FUT6: variants seen among roughly 807,000 people sequenced by gnomAD.
FUT6 encodes 4-galactosyl-N-acetylglucosaminide 3-alpha-L-fucosyltransferase FUT6.
For synonymous variants in FUT6, 187 were observed against 209.9 expected (o/e 0.89, Z 0.94); for missense variants, 454 against 494.6 (o/e 0.92, Z 0.78).
chr19:5,834,159 A>T (rs2057147673), intron 2 of FUT6: 1 of 152,232 alleles, frequency 6.6e-6, no homozygotes, highest in Non-Finnish European at 1.5e-5. Context: ...AGAGAATAGA[A>T]ATATTCACTC....
In FUT6 at chr19:5,839,271, T is replaced by C. The variant is rs1180414225; in HGVS notation, c.-735A>G. The C allele has an allele frequency of 6.6e-6, 1 of 152,202 alleles. No individual in the cohort carries two copies. Among genetic ancestry groups the C allele is most frequent in the Non-Finnish European group, 1.5e-5 (1 of 68,042 alleles). The allele number at this position is 152,202 out of a possible 1,614,324, so 9.4% of individuals were successfully genotyped here. On this transcript the variant is annotated 5_prime_UTR_variant, in exon 1 of 3. Coordinates refer to ENST00000318336, the MANE Select transcript of FUT6 (RefSeq NM_000150.4). ...GAAGGGAACTTTCTTCAATTAAAATTGCAGCCTTTTGAATAAAAAAGGGAT... is the reference window on the plus strand; with the variant it reads ...GAAGGGAACTTTCTTCAATTAAAATCGCAGCCTTTTGAATAAAAAAGGGAT...
chr19:5,831,473 C>A lies in FUT6; in HGVS notation c.*15G>T, dbSNP rs779284908. 4 of 1,613,890 alleles carry A rather than the reference C, an allele frequency of 2.5e-6. No individual in the cohort carries two copies. Among genetic ancestry groups the A allele is most frequent in the South Asian group, 1.1e-5 (1 of 91,084 alleles). The stretch of plus-strand genomic sequence containing the variant: ...AAAATGAGGTTCCTGGCAGCCCAGG[C>A]CCCACACCAGCCTCTCAGGTGAACC... On this transcript the variant is annotated 3_prime_UTR_variant, in exon 3 of 3. Transcript: ENST00000318336. This position sits in a 1 kb window ranked among gnomAD's most constrained non-coding sequence, Gnocchi z 7.0.
At chr19:5,838,230 A>T (rs2057208148) in intron 1 of FUT6, 1 of 152,116 alleles carries the variant, frequency 6.6e-6, no homozygotes, top group Non-Finnish European at 1.5e-5. Flanking sequence ...AGGATGCAAA[A>T]AAACAAAGCC....
rs2057093339 is a variant in FUT6, at chr19:5,831,595, G to A, written c.973C>T (p.Leu325=). 1.2e-6 allele frequency: 2 copies of A among 1,614,044 alleles called. No individual in the cohort carries two copies. Among genetic ancestry groups the A allele is most frequent in the East Asian group, 2.2e-5 (1 of 44,882 alleles). The change falls in exon 3 of 3, where the codon CTG becomes TTG. Residue 325 remains leucine, a synonymous_variant. Coordinates refer to ENST00000318336, the MANE Select transcript of FUT6 (RefSeq NM_000150.4). The surrounding 1 kb of genome is among the most constrained non-coding windows in gnomAD (Gnocchi z 7.0). Reference sequence around the variant, plus strand: ...GCCCAGCTGAAGGAGCGAGGCCGCAGCGTCTCCCGCCAGCGAAAGTAGCTC... The same window carrying A: ...GCCCAGCTGAAGGAGCGAGGCCGCAACGTCTCCCGCCAGCGAAAGTAGCTC... ...YLSYFRWRET[L]RPRSFSWALA... is the part of the protein sequence containing the mutation.
intron 1 of FUT6, chr19:5,837,768 A>G (rs1047465820): frequency 6.6e-6 from 1 of 151,822 alleles, no homozygotes; most frequent in Non-Finnish European, 1.5e-5. Flanking sequence ...TCTGTCTCAA[A>G]AAAATAAAAT....
chr19:5,833,485 GAA>G (rs887388902), intron 2 of FUT6, among the ~76,000 whole-genome samples: 5 of 118,146 alleles, frequency 4.2e-5, no homozygotes, highest in South Asian at 2.8e-4. Context: ...TTCTATCTTG[GAA>G]AAAAAAAAAA....
chr19:5,833,360 G>A (rs1485006197), intron 2 of FUT6, among the ~76,000 whole-genome samples: 1 of 151,578 alleles, frequency 6.6e-6, no homozygotes, highest in Non-Finnish European at 1.5e-5. Flanking sequence ...GTGGTGGCGT[G>A]TGCCTGTAAT....
At position 5,832,275 on chromosome 19, in the gene FUT6, A is replaced by G. The variant is rs1568405688; in HGVS notation, c.293T>C (p.Val98Ala). The part of the protein sequence containing the change: ...ADCNITADRK[V>A]YPQADAVIVH... The stretch of plus-strand genomic sequence containing the variant: ...GATGACCGCGTCTGCCTGTGGATAC[A>G]CCTTGCGGTCGGCAGTGATGTTGCA... The change falls in exon 3 of 3, where the codon GTG becomes GCG. Residue 98 changes from valine to alanine, a missense_variant. By Grantham distance (64) the Val-to-Ala change is moderately conservative. Coordinates refer to ENST00000318336, the MANE Select transcript of FUT6 (RefSeq NM_000150.4). This position sits in a 1 kb window ranked among gnomAD's most constrained non-coding sequence, Gnocchi z 4.3. 3.1e-6 allele frequency: 5 copies of G among 1,613,620 alleles called. No individual in the cohort carries two copies. The highest frequency in any genetic ancestry group is 4.2e-6 in the Non-Finnish European group (5 of 1,179,916).
chr19:5,834,910 AC>A (rs1477836367), intron 2 of FUT6, 39 bp downstream of exon 2: 1 of 152,232 alleles, frequency 6.6e-6, no homozygotes, highest in Non-Finnish European at 1.5e-5. Context: ...ATGGGGTGAG[AC>A]TTGGAGGCTG....
rs537221650 is a variant in FUT6 at position 5,837,441 on chromosome 19, A to T, written c.-141+1236T>A. Among the ~76,000 whole-genome samples the T allele has an allele frequency of 2.0e-5, 3 of 151,314 alleles. No homozygotes were observed. In the South Asian group the frequency reaches 6.3e-4, roughly 32 times the overall value. The stretch of plus-strand genomic sequence containing the variant: ...GCACACTAGATTGCCAAGATTTAGG[A>T]TGAAAAACAGAATGTCAGATATCTC... On this transcript the variant is annotated intron_variant, in intron 1 of 2. Transcript: ENST00000318336.
At position 5,830,673 on chromosome 19, in the gene FUT6, C is replaced by A. The variant is rs1424546954; in HGVS notation, c.*815G>T. 1 of 134,504 alleles carries A rather than the reference C, an allele frequency of 7.4e-6. No individual in the cohort carries two copies. Among genetic ancestry groups the A allele is most frequent in the Non-Finnish European group, 1.5e-5 (1 of 66,478 alleles). The allele number at this position is 134,504 out of a possible 1,614,324, so 8.3% of individuals were successfully genotyped here. A position where few individuals can be genotyped will look rare whatever the true frequency, so the allele number is the denominator to read the frequency against. ...CCAGGCTGGAGTGCAGTGGCGCGAT[C>A]TCGGCTTACTGCAACCTCCGACTCT... On this transcript the variant is annotated 3_prime_UTR_variant, in exon 3 of 3. Transcript: ENST00000318336.
At chr19:5,837,080 C>G (rs2057190312) in intron 1 of FUT6, among the ~76,000 whole-genome samples, 1 of 152,162 alleles carries the variant, frequency 6.6e-6, no homozygotes, top group African/African-American at 2.4e-5. Context: ...CTCTGTCACC[C>G]AGGCTGGAGC....
In FUT6 at chr19:5,832,465, G is replaced by A. The variant is rs201524447; in HGVS notation, c.103C>T (p.Arg35Cys). The change falls in exon 3 of 3, where the codon CGT becomes TGT. Residue 35 changes from arginine to cysteine, a missense_variant. Physicochemically the swap from Arg to Cys is radical, Grantham distance 180. Coordinates refer to ENST00000318336, the MANE Select transcript of FUT6 (RefSeq NM_000150.4). This position sits in a 1 kb window ranked among gnomAD's most constrained non-coding sequence, Gnocchi z 4.3. ...LMAVCFFSYL[R>C]VSQDDPTVYP... The stretch of plus-strand genomic sequence containing the variant: ...ACAGTGGGATCGTCTTGAGACACAC[G>A]CAGATAGGAGAAGAAACACACAGCC... 4.3e-6 allele frequency: 7 copies of A among 1,613,842 alleles called. No homozygotes were observed. In the African/African-American group the frequency reaches 5.3e-5, roughly 12 times the overall value.
Position 5,831,524 on chromosome 19 carries a change from C to T in FUT6, c.1044G>A (p.Arg348=). 1 of 1,614,140 alleles carries T rather than the reference C, an allele frequency of 6.2e-7. No individual in the cohort carries two copies. The highest frequency in any genetic ancestry group is 8.5e-7 in the Non-Finnish European group (1 of 1,180,048). ...AAGCCGCTATGCCGCGTGTCTGGTACCTGGATTCCTCCTGCAGTTTCCAGC... is the reference window on the plus strand; with the variant it reads ...AAGCCGCTATGCCGCGTGTCTGGTATCTGGATTCCTCCTGCAGTTTCCAGC... ...KACWKLQEES[R]YQTRGIAAWF... Residue 348 remains arginine, a synonymous_variant, in exon 3 of 3, where the codon AGG becomes AGA. Transcript: ENST00000318336. The surrounding 1 kb of genome is among the most constrained non-coding windows in gnomAD (Gnocchi z 7.0).
chr19:5,832,797 C>A lies in FUT6; in HGVS notation c.-12-218G>T. ...CCTCCCACCCATTAGACAACAGGCC[C>A]TTTCTACATGGGCAAGGGTCCCTGG... On this transcript the variant is annotated intron_variant, in intron 2 of 2. Coordinates refer to ENST00000318336, the MANE Select transcript of FUT6 (RefSeq NM_000150.4). This position sits in a 1 kb window ranked among gnomAD's most constrained non-coding sequence, Gnocchi z 4.3. 1.7e-6 allele frequency: 1 copy of A among 579,226 alleles called. No homozygotes were observed. Among genetic ancestry groups the A allele is most frequent in the Non-Finnish European group, 3.1e-6 (1 of 325,706 alleles). The allele number at this position is 579,226 out of a possible 1,614,324, so 35.9% of individuals were successfully genotyped here.
chr19:5,831,864 T>C lies in FUT6; in HGVS notation c.704A>G (p.Glu235Gly). 6.2e-7 allele frequency: 1 copy of C among 1,613,932 alleles called. No individual in the cohort carries two copies. Among genetic ancestry groups the C allele is most frequent in the South Asian group, 1.1e-5 (1 of 91,070 alleles). ...ATAGAACTTGTACCGGGACAGCGTC[T>C]CCATCATGGTTCCCTGGGGCAGGGG... ...HKPLPQGTMMETLSRYKFYLA... is the reference protein window; with the variant it reads ...HKPLPQGTMMGTLSRYKFYLA... Residue 235 changes from glutamate to glycine, a missense_variant, in exon 3 of 3, where the codon GAG (glutamate) becomes GGG (glycine). Coordinates refer to ENST00000318336, the MANE Select transcript of FUT6 (RefSeq NM_000150.4). The surrounding 1 kb of genome is among the most constrained non-coding windows in gnomAD (Gnocchi z 7.0).
rs3916080 is a variant in FUT6, at chr19:5,832,888, C to A, written c.-12-309G>T. 0.29 allele frequency: 115,499 copies of A among 393,320 alleles called. 19,058 individuals carry two copies. The highest frequency in any genetic ancestry group is 0.36 in the Non-Finnish European group (76,215 of 213,504). 24.4% of individuals were successfully genotyped at this position (393,320 alleles called of 1,614,324 possible). ...TGATCCTGTCCTTTTCTGGTGTGTC[C>A]CCAGACTCTTCCTCAATCTGGAGAG... On this transcript the variant is annotated intron_variant, in intron 2 of 2. Transcript: ENST00000318336. This position sits in a 1 kb window ranked among gnomAD's most constrained non-coding sequence, Gnocchi z 4.3.
Position 5,831,558 on chromosome 19 carries a change from C to A in FUT6, c.1010G>T (p.Cys337Phe). Residue 337 changes from cysteine (C) to phenylalanine (F), a missense_variant, in exon 3 of 3, where the codon TGC becomes TTC. Coordinates refer to ENST00000318336, the MANE Select transcript of FUT6 (RefSeq NM_000150.4). This position sits in a 1 kb window ranked among gnomAD's most constrained non-coding sequence, Gnocchi z 7.0. Reference protein sequence around the residue: ...PRSFSWALAFCKACWKLQEES... With the variant: ...PRSFSWALAFFKACWKLQEES... ...CTCCTGCAGTTTCCAGCAGGCCTTG[C>A]AGAAAGCGAGTGCCCAGCTGAAGGA... 1 of 1,614,168 alleles carries A rather than the reference C, an allele frequency of 6.2e-7. No individual in the cohort carries two copies. Among genetic ancestry groups the A allele is most frequent in the Non-Finnish European group, 8.5e-7 (1 of 1,180,010 alleles).
chr19:5,838,143 G>A (rs537297717), intron 1 of FUT6: 2 of 152,298 alleles, frequency 1.3e-5, no homozygotes, highest in South Asian at 2.1e-4. Flanking sequence ...TGGGGGAAAC[G>A]GGGAACGGGA....
Sources: allele counts gnomAD v4.1 joint callset (sites outside exome capture counted in the v4.1 genomes callset), GRCh38; gene constraint gnomAD v4.1.1; non-coding constraint Gnocchi (gnomAD v3.1); transcripts MANE v1.5; gene names NCBI Gene and HGNC (gene_info 2026-07-23, HGNC 2026-07-21).